The following NFIB variants were observed in gnomAD, a reference collection of about 807,000 sequenced individuals.
NFIB encodes nuclear factor I B, also known as nuclear factor 1 B-type.
NFIB carries 11 observed loss-of-function variants against 61.5 expected under a neutral mutation model. That is an observed-to-expected ratio of 0.18 (90% confidence interval 0.11 to 0.30). The LOEUF is 0.30. Ranked by LOEUF, NFIB falls within the 10% of genes least tolerant of loss-of-function variation. The pLI is 1.00. For missense variants in NFIB, 471 were observed against 608.9 expected (o/e 0.77, Z 2.38); for synonymous variants, 260 against 216.5 (o/e 1.20, Z -1.76).
chr9:14,114,136 G>C (rs548461537), intron 9 of NFIB, among the ~76,000 whole-genome samples: 4 of 152,252 alleles, frequency 2.6e-5, no homozygotes, highest in Non-Finnish European at 4.4e-5. Flanking sequence ...ATTCTGCCTT[G>C]TTCACTTAAA....
Position 14,087,996 on chromosome 9 carries a change from T to C in NFIB, c.*313A>G, listed in dbSNP as rs554297054. 9.6e-5 allele frequency: 34 copies of C among 352,986 alleles called. No homozygotes were observed. Among genetic ancestry groups the C allele is most frequent in the Non-Finnish European group, 1.5e-4 (32 of 207,374 alleles). The allele number at this position is 352,986 out of a possible 1,614,324, so 21.9% of individuals were successfully genotyped here. On this transcript the variant is annotated 3_prime_UTR_variant, in exon 11 of 11. Coordinates refer to ENST00000380953, the MANE Select transcript of NFIB (RefSeq NM_001190737.2). Reference sequence around the variant, plus strand: ...GGGCTGCGATCTACCATCAGTGAAATATCATCGACCCTTTTTATGTCATTA... The same window carrying C: ...GGGCTGCGATCTACCATCAGTGAAACATCATCGACCCTTTTTATGTCATTA...
intron 1 of NFIB, chr9:14,322,036 T>G (rs1394025098): frequency 8.1e-7 from 1 of 1,229,888 alleles, no homozygotes; most frequent in East Asian, 3.2e-5. Flanking sequence ...ATTTGTGGAT[T>G]TTCTCAGGGG....
At chr9:14,378,228 G>A (rs553550786) in intron 1 of NFIB, among the ~76,000 whole-genome samples, 10 of 152,328 alleles carry the variant, frequency 6.6e-5, no homozygotes, top group East Asian at 1.9e-4. Context: ...AGGAATGCAC[G>A]TGAGAGATTT....
At chr9:14,480,874 T>C in the NFIB span, among the ~76,000 whole-genome samples, 1 of 152,066 alleles carries the variant, frequency 6.6e-6, no homozygotes, top group Non-Finnish European at 1.5e-5. Flanking sequence ...AGCTTTTGCA[T>C]CACTCCTGCT....
chr9:14,342,157 G>A (rs1362295967), intron 1 of NFIB, among the ~76,000 whole-genome samples: 1 of 152,170 alleles, frequency 6.6e-6, no homozygotes, highest in Non-Finnish European at 1.5e-5. Context: ...CTGGATTATG[G>A]GTAAGGGTCT....
intron 1 of NFIB, among the ~76,000 whole-genome samples, chr9:14,359,024 A>T (rs934133616): frequency 6.6e-6 from 1 of 152,194 alleles, no homozygotes; most frequent in Admixed American, 6.5e-5. Flanking sequence ...GCTGCTATAC[A>T]TCTCTTCCCA....
intron 3 of NFIB, among the ~76,000 whole-genome samples, chr9:14,169,146 C>A (rs1274591073): frequency 6.6e-6 from 1 of 152,140 alleles, no homozygotes; most frequent in East Asian, 1.9e-4. Flanking sequence ...GAAAACATTA[C>A]TGCAAAATAC....
At chr9:14,196,579 A>T (rs2048493946) in intron 2 of NFIB, among the ~76,000 whole-genome samples, 1 of 151,998 alleles carries the variant, frequency 6.6e-6, no homozygotes, top group Admixed American at 6.6e-5. Flanking sequence ...AGTAATTAGG[A>T]GCATCAAGTT....
chr9:14,457,719 T>C, the NFIB span, among the ~76,000 whole-genome samples: 2 of 151,600 alleles, frequency 1.3e-5, no homozygotes, highest in African/African-American at 4.8e-5. Flanking sequence ...CAAACTACCA[T>C]CAGAGAATAC....
At chr9:14,247,337 C>G (rs1046656595) in intron 2 of NFIB, among the ~76,000 whole-genome samples, 2 of 152,208 alleles carry the variant, frequency 1.3e-5, no homozygotes, top group African/African-American at 2.4e-5. Context: ...ATTTTACAGA[C>G]AGATCCAGCT....
At chr9:14,353,159 C>G (rs2061134240) in intron 1 of NFIB, among the ~76,000 whole-genome samples, 1 of 152,042 alleles carries the variant, frequency 6.6e-6, no homozygotes, top group African/African-American at 2.4e-5. Context: ...GTAGCTACTA[C>G]CAAAGGCTGT....
the NFIB span, among the ~76,000 whole-genome samples, chr9:14,505,828 A>T: frequency 6.6e-6 from 1 of 152,284 alleles, no homozygotes; most frequent in Non-Finnish European, 1.5e-5. Context: ...TCTCACCAAG[A>T]AATACCTGAG....
At chr9:14,378,422 T>C (rs2061444839) in intron 1 of NFIB, among the ~76,000 whole-genome samples, 1 of 152,226 alleles carries the variant, frequency 6.6e-6, no homozygotes. Flanking sequence ...AGTGGCGCAA[T>C]TTTGGCTCAC....
At chr9:14,418,265 C>T in the NFIB span, among the ~76,000 whole-genome samples, 1 of 152,176 alleles carries the variant, frequency 6.6e-6, no homozygotes, top group Non-Finnish European at 1.5e-5. Flanking sequence ...CTCCTTTGAG[C>T]AGCGAAAAAA....
chr9:14,375,024 T>C (rs992287810), intron 1 of NFIB, among the ~76,000 whole-genome samples: 1 of 152,252 alleles, frequency 6.6e-6, no homozygotes, highest in African/African-American at 2.4e-5. Flanking sequence ...GTTTATTTTA[T>C]TACATGCTAT....
At chr9:14,416,149 C>T in the NFIB span, among the ~76,000 whole-genome samples, 3 of 152,148 alleles carry the variant, frequency 2.0e-5, no homozygotes, top group Non-Finnish European at 4.4e-5. Context: ...TACAGTCATG[C>T]ACCACATAAC....
At chr9:14,500,377 C>G in the NFIB span, among the ~76,000 whole-genome samples, 1 of 152,034 alleles carries the variant, frequency 6.6e-6, no homozygotes, top group Non-Finnish European at 1.5e-5. Context: ...GGGGCTTGTA[C>G]AAAATTATAT....
chr9:14,518,029 G>C, the NFIB span, among the ~76,000 whole-genome samples: 1 of 152,154 alleles, frequency 6.6e-6, no homozygotes, highest in Admixed American at 6.5e-5. Context: ...AGAGCACTAA[G>C]CCTGCCTTGT....
At chr9:14,348,813 T>C (rs1356644960) in intron 1 of NFIB, among the ~76,000 whole-genome samples, 2 of 152,254 alleles carry the variant, frequency 1.3e-5, no homozygotes, top group Non-Finnish European at 1.5e-5. Flanking sequence ...TGCTCTGTGC[T>C]GGGCCCCTGG....
Sources: allele counts gnomAD v4.1 joint callset (sites outside exome capture counted in the v4.1 genomes callset), GRCh38; gene constraint gnomAD v4.1.1; transcripts MANE v1.5; gene names NCBI Gene and HGNC (gene_info 2026-07-23, HGNC 2026-07-21).